The following FAM50B variants were observed in gnomAD, a reference collection of about 807,000 sequenced individuals.
FAM50B encodes the protein protein FAM50B.
In FAM50B, 9 loss-of-function variants were observed where a neutral mutation model predicts 25.4. That is an observed-to-expected ratio of 0.35 (90% CI 0.21 to 0.62). FAM50B has a LOEUF of 0.62. Among genes scored for constraint, FAM50B ranks in the 20% least tolerant of loss-of-function variants. The pLI, the probability that FAM50B is intolerant of heterozygous loss-of-function variation, is 0.73. For missense variants in FAM50B, 372 were observed against 477.9 expected (o/e 0.78, Z 2.07); for synonymous variants, 212 against 204.3 (o/e 1.04, Z -0.32).
At chr6:3,837,193 T>C in the FAM50B span, among the ~76,000 whole-genome samples, 30 of 152,266 alleles carry the variant, frequency 2.0e-4, no homozygotes, top group African/African-American at 7.2e-4. Flanking sequence ...CTACATAAGA[T>C]ATCAAAAGCA....
the FAM50B span, among the ~76,000 whole-genome samples, chr6:3,839,862 A>T: frequency 3.3e-5 from 5 of 152,118 alleles, no homozygotes; most frequent in African/African-American, 1.2e-4. Flanking sequence ...AACAAAACAT[A>T]GGGCCGGGAG....
chr6:3,842,991 C>T, the FAM50B span, among the ~76,000 whole-genome samples: 4 of 152,258 alleles, frequency 2.6e-5, no homozygotes, highest in South Asian at 8.3e-4. Context: ...TATTCATAAA[C>T]TGCTGAATTC....
At chr6:3,847,856 T>C (rs1022650541), upstream of FAM50B, among the ~76,000 whole-genome samples, 10 of 152,232 alleles carry the variant, frequency 6.6e-5, no homozygotes, top group Non-Finnish European at 1.2e-4. Context: ...GGGTTATTAA[T>C]TGGCCTAATT....
rs1194263974 is a variant in FAM50B, at chr6:3,849,931, C to A, written c.120C>A (p.Ile40=). ...AGCAGCGCATCGCCGAGGAGACCAT[C>A]CTCAAGTCGCAGGTGGACAAGAGGT... The part of the protein sequence containing the change: ...VLKQRIAEET[I]LKSQVDKRFS... Residue 40 remains isoleucine (I), a synonymous_variant, in exon 2 of 2, where the codon ATC becomes ATA. Transcript: ENST00000648326. 4 of 1,613,772 alleles carry A rather than the reference C, an allele frequency of 2.5e-6. No individual in the cohort carries two copies. The highest frequency in any genetic ancestry group is 3.3e-4 in the Middle Eastern group (2 of 6,058).
At chr6:3,847,483 C>G (rs1304080914), upstream of FAM50B, among the ~76,000 whole-genome samples, 2 of 152,258 alleles carry the variant, frequency 1.3e-5, no homozygotes, top group Non-Finnish European at 2.9e-5. Context: ...TTCCTCACCT[C>G]TCTCAGCTTC....
chr6:3,846,108 AAG>A (rs987784079), upstream of FAM50B, among the ~76,000 whole-genome samples: 145 of 152,252 alleles, frequency 9.5e-4, no homozygotes, highest in African/African-American at 3.4e-3. Context: ...AGGACAAACA[AAG>A]AGATTCTGAT....
At chr6:3,847,407 A>AGAGGTG (rs1762136206), upstream of FAM50B, among the ~76,000 whole-genome samples, 1 of 152,252 alleles carries the variant, frequency 6.6e-6, no homozygotes, top group South Asian at 2.1e-4. Context: ...TTTATGTTAT[A>AGAGGTG]GAGGTGACTT....
At chr6:3,835,097 C>T in the FAM50B span, among the ~76,000 whole-genome samples, 2 of 152,092 alleles carry the variant, frequency 1.3e-5, no homozygotes, top group African/African-American at 4.8e-5. Context: ...TCCTCTTGCC[C>T]TGGGTTTCTG....
At position 3,850,840 on chromosome 6, in the gene FAM50B, A is replaced by C. The variant is rs1762211646; in HGVS notation, c.*51A>C. On this transcript the variant is annotated 3_prime_UTR_variant, in exon 2 of 2. Transcript: ENST00000648326. ...GGGGTGGGGGGAGACACTCATTTCT[A>C]GGCCCCATCACCAGTCACTTGATTT... 1.9e-6 allele frequency: 3 copies of C among 1,585,772 alleles called. No homozygotes were observed. Among genetic ancestry groups the C allele is most frequent in the Admixed American group, 3.6e-5 (2 of 55,958 alleles).
At chr6:3,846,266 T>C (rs1298007583), upstream of FAM50B, among the ~76,000 whole-genome samples, 2 of 152,206 alleles carry the variant, frequency 1.3e-5, no homozygotes, top group African/African-American at 4.8e-5. Flanking sequence ...GTGGGTTCAG[T>C]TCCAGACCAC....
chr6:3,842,470 C>G, the FAM50B span, among the ~76,000 whole-genome samples: 722 of 152,298 alleles, frequency 4.7e-3, 6 homozygotes, highest in African/African-American at 0.016. Flanking sequence ...ATGTGCTATT[C>G]TAGGCAGGCT....
In FAM50B at chr6:3,850,612, C is replaced by A. The variant is rs1358265167; in HGVS notation, c.801C>A (p.Ser267Arg). 6.2e-7 allele frequency: 1 copy of A among 1,614,052 alleles called. No homozygotes were observed. The highest frequency in any genetic ancestry group is 1.7e-5 in the Admixed American group (1 of 60,016). Residue 267 changes from serine to arginine, a missense_variant, in exon 2 of 2, where the codon AGC (serine) becomes AGA (arginine). Transcript: ENST00000648326. ...RARGKSGPLF[S>R]FDVHDDVRLL... ...GGGGCAAGAGCGGGCCGCTCTTCAG[C>A]TTCGATGTGCACGATGACGTGCGCC...
At chr6:3,847,996 C>G (rs922010212), upstream of FAM50B, among the ~76,000 whole-genome samples, 2 of 152,244 alleles carry the variant, frequency 1.3e-5, no homozygotes, top group African/African-American at 4.8e-5. Context: ...TCTTTGTCTT[C>G]TACTGCACAC....
At chr6:3,838,912 C>T in the FAM50B span, among the ~76,000 whole-genome samples, 1 of 148,166 alleles carries the variant, frequency 6.7e-6, no homozygotes, top group Non-Finnish European at 1.5e-5. Context: ...ACATATGCAA[C>T]AGCATGGATG....
chr6:3,849,976 C>T lies in FAM50B; in HGVS notation c.165C>T (p.Ala55=), dbSNP rs746424924. 1.2e-5 allele frequency: 20 copies of T among 1,613,794 alleles called. No homozygotes were observed. The highest frequency in any genetic ancestry group is 1.6e-5 in the Non-Finnish European group (19 of 1,179,988). Residue 55 remains alanine (A), a synonymous_variant, in exon 2 of 2, where the codon GCC becomes GCT. Transcript: ENST00000648326. ...AGAGGTTCTCGGCGCATTACGACGC[C>T]GTGGAGGCCGAGCTGAAGTCCAGCA... ...VDKRFSAHYD[A]VEAELKSSTV... is the part of the protein sequence containing the mutation.
At chr6:3,845,286 A>G (rs1018767978), upstream of FAM50B, among the ~76,000 whole-genome samples, 1 of 152,116 alleles carries the variant, frequency 6.6e-6, no homozygotes, top group African/African-American at 2.4e-5. Flanking sequence ...CAACCTTTTA[A>G]TTCTGGGAGC....
Position 3,849,847 on chromosome 6 carries a change from C to T in FAM50B, c.36C>T (p.Gly12=). 1 of 1,612,614 alleles carries T rather than the reference C, an allele frequency of 6.2e-7. No homozygotes were observed. Among genetic ancestry groups the T allele is most frequent in the Non-Finnish European group, 8.5e-7 (1 of 1,179,536 alleles). The change falls in exon 2 of 2, where the codon GGC becomes GGT. Residue 12 remains glycine (G), a synonymous_variant. Coordinates refer to ENST00000648326, the MANE Select transcript of FAM50B (RefSeq NM_012135.3). ...ACAAGGGCACCATGCGCGAGGCAGG[C>T]CGTGCCATGCACCTCCTCAAGAAGC... The part of the protein sequence containing the change: ...AQYKGTMREA[G]RAMHLLKKRE...
the FAM50B span, among the ~76,000 whole-genome samples, chr6:3,840,701 G>C: frequency 7.2e-5 from 11 of 152,244 alleles, no homozygotes; most frequent in Non-Finnish European, 1.3e-4. Context: ...TTTGAAGCTC[G>C]GGTCAACTGG....
chr6:3,833,086 C>T, the FAM50B span, among the ~76,000 whole-genome samples: 1 of 152,120 alleles, frequency 6.6e-6, no homozygotes, highest in African/African-American at 2.4e-5. Flanking sequence ...TCTTGAACTC[C>T]TGACCACAGG....
Sources: allele counts gnomAD v4.1 joint callset (sites outside exome capture counted in the v4.1 genomes callset), GRCh38; gene constraint gnomAD v4.1.1; transcripts MANE v1.5; gene names NCBI Gene and HGNC (gene_info 2026-07-23, HGNC 2026-07-21).